MAPKAP1: variants seen among roughly 807,000 people sequenced by gnomAD.
MAPKAP1 encodes MAPK associated protein 1.
A neutral mutation model predicts 65.7 loss-of-function variants in MAPKAP1; 20 were observed. The ratio of observed to expected loss-of-function variants is 0.30; its 90% confidence interval spans 0.21 to 0.44. The LOEUF (loss-of-function observed/expected upper bound fraction) is 0.44. Ranked by LOEUF, MAPKAP1 falls within the 20% of genes least tolerant of loss-of-function variation. The probability of loss-of-function intolerance (pLI) is 1.00; values close to 1 mark genes in which losing one functional copy is unlikely to be tolerated. For synonymous variants in MAPKAP1, 222 were observed against 244.3 expected, an observed-to-expected ratio of 0.91 and a Z score of 0.85; for missense variants, 423 against 648.0, an observed-to-expected ratio of 0.65 and a Z score of 3.77.
intron 6 of MAPKAP1, among the ~76,000 whole-genome samples, chr9:125,556,318 A>G (rs1015861127): frequency 1.3e-5 from 2 of 152,252 alleles, no homozygotes; most frequent in Non-Finnish European, 2.9e-5. Context: ...GCACTATAGC[A>G]GTGGCTGAAT....
intron 7 of MAPKAP1, among the ~76,000 whole-genome samples, chr9:125,538,204 C>G (rs1199579359): frequency 6.6e-6 from 1 of 152,082 alleles, no homozygotes; most frequent in Non-Finnish European, 1.5e-5. Context: ...TAAAATCTCT[C>G]TTTGGTTGCT....
intron 6 of MAPKAP1, among the ~76,000 whole-genome samples, chr9:125,553,849 C>T (rs1178361277): frequency 6.6e-6 from 1 of 152,044 alleles, no homozygotes; most frequent in Non-Finnish European, 1.5e-5. Flanking sequence ...CCAGCCTGGG[C>T]AACACAGCAA....
rs1828897090 is a variant in MAPKAP1 at position 125,499,144 on chromosome 9, TGA to T, written c.1066+7164_1066+7165del. On this transcript the variant is annotated intron_variant, in intron 8 of 11. Coordinates refer to ENST00000265960, the MANE Select transcript of MAPKAP1 (RefSeq NM_001006617.3). ...TAAGTGGCAAGGCCAGGATGTGAAC[TGA>T]GACAGTTCATTGACAGCACATTCTC... Among the ~76,000 whole-genome samples the T allele has an allele frequency of 3.3e-5, 5 of 152,238 alleles. No homozygotes were observed. In the South Asian group the frequency reaches 1.0e-3, roughly 32 times the overall value.
At chr9:125,521,591 C>G in intron 7 of MAPKAP1, 1 of 1,467,108 alleles carries the variant, frequency 6.8e-7, no homozygotes. Context: ...CTAAATCACA[C>G]TGCAGAGGAA....
At chr9:125,553,854 C>A (rs1359889988) in intron 6 of MAPKAP1, among the ~76,000 whole-genome samples, 1 of 151,996 alleles carries the variant, frequency 6.6e-6, no homozygotes, top group African/African-American at 2.4e-5. Flanking sequence ...CTGGGCAACA[C>A]AGCAACACTC....
chr9:125,633,331 A>T (rs1424285154), intron 4 of MAPKAP1, among the ~76,000 whole-genome samples: 5 of 152,222 alleles, frequency 3.3e-5, no homozygotes, highest in Non-Finnish European at 7.3e-5. Flanking sequence ...ATCACCTGGG[A>T]CAAACAGGGA....
chr9:125,491,919 A>G (rs2133054396), intron 8 of MAPKAP1, among the ~76,000 whole-genome samples: 1 of 152,206 alleles, frequency 6.6e-6, no homozygotes. Flanking sequence ...GGCCAGGTGC[A>G]GTGCCTCACA....
intron 11 of MAPKAP1, among the ~76,000 whole-genome samples, chr9:125,440,136 G>C (rs1264953278): frequency 6.6e-6 from 1 of 152,316 alleles, no homozygotes; most frequent in South Asian, 2.1e-4. Flanking sequence ...CAGTGCTGAG[G>C]ACAGCCTGTG....
At chr9:125,646,603 T>C (rs1409910626) in intron 4 of MAPKAP1, among the ~76,000 whole-genome samples, 1 of 152,232 alleles carries the variant, frequency 6.6e-6, no homozygotes, top group Non-Finnish European at 1.5e-5. Flanking sequence ...TTTATGAATT[T>C]TGTTTCTAAA....
intron 8 of MAPKAP1, among the ~76,000 whole-genome samples, chr9:125,487,508 T>C (rs1001788736): frequency 6.6e-6 from 1 of 152,080 alleles, no homozygotes; most frequent in African/African-American, 2.4e-5. Context: ...ACAATTTAGC[T>C]CTGAGCTCAA....
intron 8 of MAPKAP1, among the ~76,000 whole-genome samples, chr9:125,503,210 T>C (rs958197063): frequency 2.0e-5 from 3 of 152,214 alleles, no homozygotes; most frequent in Non-Finnish European, 4.4e-5. Flanking sequence ...TTTAGTTCAT[T>C]TACTGATATA....
chr9:125,681,804 T>G (rs546289458), intron 1 of MAPKAP1, among the ~76,000 whole-genome samples: 1 of 152,364 alleles, frequency 6.6e-6, no homozygotes, highest in East Asian at 1.9e-4. Context: ...AGCGTCTCGC[T>G]CTGTCACCCA....
At chr9:125,570,208 A>G (rs1339596836) in intron 5 of MAPKAP1, among the ~76,000 whole-genome samples, 1 of 152,152 alleles carries the variant, frequency 6.6e-6, no homozygotes, top group Admixed American at 6.5e-5. Flanking sequence ...CTAAAGTAAA[A>G]TAACTGGTTG....
intron 2 of MAPKAP1, among the ~76,000 whole-genome samples, chr9:125,670,349 A>G (rs902804162): frequency 8.5e-5 from 13 of 152,190 alleles, no homozygotes; most frequent in Non-Finnish European, 1.9e-4. Context: ...CTAGACTATT[A>G]AAGTTTTAAA....
intron 4 of MAPKAP1, among the ~76,000 whole-genome samples, chr9:125,610,598 A>G (rs1052711319): frequency 2.0e-5 from 3 of 152,326 alleles, no homozygotes; most frequent in South Asian, 4.1e-4. Flanking sequence ...AAAGACCTAC[A>G]TGTGAGAGTA....
intron 1 of MAPKAP1, among the ~76,000 whole-genome samples, chr9:125,697,151 G>GAAT (rs1276474582): frequency 1.3e-5 from 2 of 152,174 alleles, no homozygotes; most frequent in African/African-American, 4.8e-5. Flanking sequence ...GCTTTCCTGG[G>GAAT]AATAGTAACA....
At chr9:125,445,814 G>A (rs935047664) in intron 10 of MAPKAP1, among the ~76,000 whole-genome samples, 5 of 152,294 alleles carry the variant, frequency 3.3e-5, no homozygotes, top group East Asian at 1.9e-4. Flanking sequence ...TTCTTCTTTC[G>A]CCTTAAGCTA....
chr9:125,498,216 C>T (rs1430962025), intron 8 of MAPKAP1, among the ~76,000 whole-genome samples: 1 of 152,190 alleles, frequency 6.6e-6, no homozygotes, highest in African/African-American at 2.4e-5. Flanking sequence ...AGTACCTAGG[C>T]AGAAACTCTT....
chr9:125,531,440 T>C (rs1346184252), intron 7 of MAPKAP1, among the ~76,000 whole-genome samples: 1 of 152,228 alleles, frequency 6.6e-6, no homozygotes, highest in East Asian at 1.9e-4. Flanking sequence ...AGTGTGAGTA[T>C]TAGTAAGTGG....
Sources: gnomAD v4.1 joint callset for allele counts (sites outside exome capture counted in the v4.1 genomes callset) on GRCh38, gnomAD v4.1.1 for gene constraint, MANE v1.5 for transcripts, NCBI Gene and HGNC (gene_info 2026-07-23, HGNC 2026-07-21) for gene names.